The following MXRA5 variants were observed in gnomAD, a reference collection of about 807,000 sequenced individuals.
MXRA5 encodes the protein matrix-remodeling-associated protein 5.
Under a neutral mutation model 112.5 loss-of-function variants are expected in MXRA5, and 41 were observed. The ratio of observed to expected loss-of-function variants is 0.36; its 90% CI spans 0.28 to 0.47. MXRA5 has a LOEUF of 0.47. Ranked by LOEUF, MXRA5 falls within the 20% of genes least tolerant of loss-of-function variation. The pLI, the probability that MXRA5 is intolerant of heterozygous loss-of-function variation, is 0.99. For synonymous variants in MXRA5, 862 were observed against 900.8 expected, an observed-to-expected ratio of 0.96 and a Z score of 0.77; for missense variants, 2,150 against 2,251.0, an observed-to-expected ratio of 0.96 and a Z score of 0.91.
In MXRA5 at chrX:3,336,094, A is replaced by G. The variant is rs765925089; in HGVS notation, c.189-5321T>C. Among the ~76,000 whole-genome samples, 10 of 111,907 alleles carry G rather than the reference A, an allele frequency of 8.9e-5. No individual in the cohort carries two copies. The East Asian group carries it at 2.5e-3, about 28-fold the overall frequency. On this transcript the variant is annotated intron_variant, in intron 2 of 6. Coordinates refer to ENST00000217939, the MANE Select transcript of MXRA5 (RefSeq NM_015419.4). ...CACTTCCTGTCAGATGAGTGACGGC[A>G]TTAGATTCTCATTGGAGCACAAATC...
At chrX:3,313,329 C>T (rs768760057) in intron 6 of MXRA5, among the ~76,000 whole-genome samples, 7 of 112,498 alleles carry the variant, frequency 6.2e-5, no homozygotes, top group Non-Finnish European at 1.1e-4. Context: ...GCCTGATCTC[C>T]GCTCACTGCA....
intron 2 of MXRA5, among the ~76,000 whole-genome samples, chrX:3,332,979 C>A (rs1468259360): frequency 9.0e-6 from 1 of 110,822 alleles, no homozygotes; most frequent in African/African-American, 3.3e-5. Flanking sequence ...ATGAAGCAGG[C>A]CAACTTTCCA....
chrX:3,311,330 C>A lies in MXRA5; in HGVS notation c.6873G>T (p.Ser2291=). ...DGSLVNSFMQ[S]DDSGGRTKRY... ...GCTTGGTGCGTCCACCGCTGTCATC[C>A]GACTGCATGAAGGAGTTCACCAGAC... Residue 2291 remains serine (S), a synonymous_variant, in exon 7 of 7, where the codon TCG becomes TCT. Transcript: ENST00000217939. 1.7e-6 allele frequency: 2 copies of A among 1,211,956 alleles called. No individual in the cohort carries two copies. Among genetic ancestry groups the A allele is most frequent in the Non-Finnish European group, 2.2e-6 (2 of 895,556 alleles).
At chrX:3,315,875 G>C (rs1356542283) in intron 6 of MXRA5, among the ~76,000 whole-genome samples, 1 of 109,971 alleles carries the variant, frequency 9.1e-6, no homozygotes, top group African/African-American at 3.3e-5. Context: ...GGAAATAGAG[G>C]CAAGCTGAAT....
intron 2 of MXRA5, among the ~76,000 whole-genome samples, chrX:3,339,396 A>G (rs987159964): frequency 2.7e-5 from 3 of 110,161 alleles, no homozygotes; most frequent in Non-Finnish European, 3.8e-5. Context: ...TCCCAAGTAG[A>G]TGGGACTACA....
chrX:3,329,535 G>A (rs1227598880), intron 4 of MXRA5, among the ~76,000 whole-genome samples: 3 of 66,372 alleles, frequency 4.5e-5, no homozygotes, highest in Non-Finnish European at 1.0e-4. Context: ...CATAAGTCCT[G>A]GTTGTTGTCA....
At chrX:3,332,540 G>A (rs1373619118) in intron 2 of MXRA5, among the ~76,000 whole-genome samples, 3 of 112,142 alleles carry the variant, frequency 2.7e-5, no homozygotes, top group Admixed American at 1.9e-4. Context: ...CACCGCGCCC[G>A]GCCACATTCT....
In MXRA5 at chrX:3,321,024, C is replaced by T. The variant is rs1394728357; in HGVS notation, c.4661G>A (p.Gly1554Glu). 8.3e-7 allele frequency: 1 copy of T among 1,211,809 alleles called. No individual in the cohort carries two copies. Among genetic ancestry groups the T allele is most frequent in the Non-Finnish European group, 1.1e-6 (1 of 895,506 alleles). ...AGAGGGTGTTGATAATTCATTTGGC[C>T]CTGACATATGCTGTGTTCCTTCATT... ...VNNEGTQHMS[G>E]PNELSTPSSD... The change falls in exon 5 of 7, where the codon GGG becomes GAG. Residue 1554 changes from glycine (G) to glutamate (E), a missense_variant. By Grantham distance (98) the Gly-to-Glu change is moderately conservative. Transcript: ENST00000217939.
In MXRA5 at chrX:3,309,781, A is replaced by G; in HGVS notation, c.8422T>C (p.Tyr2808His). 8.3e-7 allele frequency: 1 copy of G among 1,211,658 alleles called. No homozygotes were observed. Among genetic ancestry groups the G allele is most frequent in the Non-Finnish European group, 1.1e-6 (1 of 895,529 alleles). Residue 2808 changes from tyrosine to histidine, a missense_variant, in exon 7 of 7, where the codon TAC becomes CAC. Coordinates refer to ENST00000217939, the MANE Select transcript of MXRA5 (RefSeq NM_015419.4). Reference sequence around the variant, plus strand: ...AGAATGTTTTTTGCCATGCACTTGTAGAAGCCGGCATCTCTCTGTGTGGCA... The same window carrying G: ...AGAATGTTTTTTGCCATGCACTTGTGGAAGCCGGCATCTCTCTGTGTGGCA... ...QHATQRDAGF[Y>H]KCMAKNILGS...
chrX:3,344,302 G>A (rs978346868), intron 1 of MXRA5, among the ~76,000 whole-genome samples: 42 of 112,150 alleles, frequency 3.7e-4, no homozygotes, highest in African/African-American at 1.4e-3. Context: ...AACTTCCCAA[G>A]AAGTGTTTAT....
Position 3,320,290 on chromosome X carries a change from G to A in MXRA5, c.5395C>T (p.Pro1799Ser). Reference protein sequence around the residue: ...LLHTPQTTGSPSTNLQNIPMV... With the variant: ...LLHTPQTTGSSSTNLQNIPMV... ...GGGATATTCTGTAAGTTAGTTGAGG[G>A]TGATCCCGTGGTCTGCGGAGTGTGC... Residue 1799 changes from proline (P) to serine (S), a missense_variant, in exon 5 of 7, where the codon CCC becomes TCC. Pro to Ser is a moderately conservative substitution (Grantham distance 74). Around this residue, in one of 6 missense-constraint regions of MXRA5, gnomAD observed 1,485 missense variants for 1,471.6 expected, o/e 1.01. Coordinates refer to ENST00000217939, the MANE Select transcript of MXRA5 (RefSeq NM_015419.4). 8.3e-7 allele frequency: 1 copy of A among 1,211,573 alleles called. No homozygotes were observed. Among genetic ancestry groups the A allele is most frequent in the Non-Finnish European group, 1.1e-6 (1 of 895,317 alleles).
At chrX:3,331,068 A>G (rs1487998460) in intron 2 of MXRA5, among the ~76,000 whole-genome samples, 5 of 110,818 alleles carry the variant, frequency 4.5e-5, no homozygotes, top group African/African-American at 6.6e-5. Flanking sequence ...ATCCCTGGCT[A>G]ATTTTTTATT....
Position 3,317,430 on chromosome X carries a change from C to G in MXRA5, c.6251G>C (p.Gly2084Ala), listed in dbSNP as rs188082959. 4.1e-4 allele frequency: 496 copies of G among 1,199,439 alleles called. 2 individuals carry two copies. In the African/African-American group the frequency reaches 8.1e-3, roughly 19 times the overall value. Residue 2084 changes from glycine (G) to alanine (A), a missense_variant, in exon 6 of 7, where the codon GGG becomes GCG. Gly to Ala is a moderately conservative substitution (Grantham distance 60). Coordinates refer to ENST00000217939, the MANE Select transcript of MXRA5 (RefSeq NM_015419.4). ...APLPSVRWVLGDGTQIRPSQF... is the reference protein window; with the variant it reads ...APLPSVRWVLADGTQIRPSQF... ...CGAGGGGCGGATCTGGGTACCGTCCCCGAGCACCCAGCGCACGCTGGGCAG... is the reference window on the plus strand; with the variant it reads ...CGAGGGGCGGATCTGGGTACCGTCCGCGAGCACCCAGCGCACGCTGGGCAG...
chrX:3,317,258 A>G lies in MXRA5; in HGVS notation c.6423T>C (p.Arg2141=), dbSNP rs1921165423. 1 of 1,209,270 alleles carries G rather than the reference A, an allele frequency of 8.3e-7. No individual in the cohort carries two copies. The highest frequency in any genetic ancestry group is 1.8e-5 in the South Asian group (1 of 56,654). Reference sequence around the variant, plus strand: ...CCGTGATGCGCGCGTTGGCTGCTGCACGCTGCACGTTCAGCTGCACCGTCC... The same window carrying G: ...CCGTGATGCGCGCGTTGGCTGCTGCGCGCTGCACGTTCAGCTGCACCGTCC... ...ARRTVQLNVQ[R]AAANARITGT... The change falls in exon 6 of 7, where the codon CGT becomes CGC. Residue 2141 remains arginine, a synonymous_variant. Transcript: ENST00000217939.
At chrX:3,315,235 C>T (rs1910928709) in intron 6 of MXRA5, among the ~76,000 whole-genome samples, 1 of 107,612 alleles carries the variant, frequency 9.3e-6, no homozygotes, top group Admixed American at 1.0e-4. Flanking sequence ...CACCAACTGT[C>T]CCTTGGGGAC....
chrX:3,309,384 C>T lies in MXRA5; in HGVS notation c.*332G>A, dbSNP rs1247531671. 4.4e-6 allele frequency: 1 copy of T among 228,600 alleles called. No individual in the cohort carries two copies. Among genetic ancestry groups the T allele is most frequent in the Non-Finnish European group, 7.8e-6 (1 of 128,256 alleles). 18.8% of individuals were successfully genotyped at this position (228,600 alleles called of 1,213,427 possible). ...CTATGGCTTATTTTTGATGAATGTTCCTCAGATATCCTATGGACGCTTATG... is the reference window on the plus strand; with the variant it reads ...CTATGGCTTATTTTTGATGAATGTTTCTCAGATATCCTATGGACGCTTATG... On this transcript the variant is annotated 3_prime_UTR_variant, in exon 7 of 7. Transcript: ENST00000217939.
At position 3,321,383 on chromosome X, in the gene MXRA5, C is replaced by A; in HGVS notation, c.4302G>T (p.Gln1434His). The change falls in exon 5 of 7, where the codon CAG (glutamine) becomes CAT (histidine). Residue 1434 changes from glutamine (Q) to histidine (H), a missense_variant. Physicochemically the swap from Gln to His is conservative, Grantham distance 24. This residue lies in a region of MXRA5 where 1,485 missense variants were observed against 1,471.6 expected (regional missense o/e 1.01). Transcript: ENST00000217939. ...GAGTTGTGGAAGAACCAGCTTCTTCCTGGTGAAATGGTGTGGAGACTGTCA... is the reference window on the plus strand; with the variant it reads ...GAGTTGTGGAAGAACCAGCTTCTTCATGGTGAAATGGTGTGGAGACTGTCA... ...SSLTVSTPFH[Q>H]EEAGSSTTLS... The A allele has an allele frequency of 8.3e-7, 1 of 1,211,799 alleles. No individual in the cohort carries two copies. Among genetic ancestry groups the A allele is most frequent in the Non-Finnish European group, 1.1e-6 (1 of 895,453 alleles).
At chrX:3,337,188 A>G (rs182643366) in intron 2 of MXRA5, among the ~76,000 whole-genome samples, 7 of 111,972 alleles carry the variant, frequency 6.3e-5, no homozygotes, top group Admixed American at 1.9e-4. Context: ...TGGCCTCATC[A>G]TTTTAGAAGA....
At chrX:3,315,716 C>T (rs1189479819) in intron 6 of MXRA5, among the ~76,000 whole-genome samples, 42 of 111,082 alleles carry the variant, frequency 3.8e-4, no homozygotes, top group Non-Finnish European at 7.0e-4. Context: ...TGGCTTTCTT[C>T]ATAGCCCAAG....
Sources: allele counts gnomAD v4.1 joint callset (sites outside exome capture counted in the v4.1 genomes callset), GRCh38; gene constraint gnomAD v4.1.1; regional missense constraint gnomAD v4.1.1; transcripts MANE v1.5; gene names NCBI Gene and HGNC (gene_info 2026-07-23, HGNC 2026-07-21).